PRICKLE2: variants seen among roughly 807,000 people sequenced by gnomAD.
The protein encoded by PRICKLE2 is prickle-like protein 2.
In PRICKLE2, 21 loss-of-function variants were observed where a neutral mutation model predicts 81.4. That is an observed-to-expected ratio of 0.26 (90% CI 0.18 to 0.37). PRICKLE2 has a LOEUF of 0.37. PRICKLE2 is among the 10% of genes least tolerant of loss of function. The probability of loss-of-function intolerance (pLI) is 1.00; values close to 1 mark genes in which losing one functional copy is unlikely to be tolerated. For missense variants in PRICKLE2, 940 were observed against 1,109.0 expected, an observed-to-expected ratio of 0.85 and a Z score of 2.16; for synonymous variants, 456 against 421.5, an observed-to-expected ratio of 1.08 and a Z score of -1.00.
At chr3:64,249,549 G>C (rs1575713400) in intron 2 of PRICKLE2, among the ~76,000 whole-genome samples, 1 of 152,100 alleles carries the variant, frequency 6.6e-6, no homozygotes, top group African/African-American at 2.4e-5. Flanking sequence ...TGCACCAATG[G>C]GTGAACCACA....
chr3:64,158,303 GAAGTA>G (rs2077672143), intron 4 of PRICKLE2, among the ~76,000 whole-genome samples: 1 of 152,190 alleles, frequency 6.6e-6, no homozygotes, highest in Non-Finnish European at 1.5e-5. Flanking sequence ...CTTAGAAAAT[GAAGTA>G]AAGACCTCAC....
At chr3:64,200,575 C>T (rs1575658329) in intron 1 of PRICKLE2, 1 of 152,044 alleles carries the variant, frequency 6.6e-6, no homozygotes, top group South Asian at 2.1e-4. Context: ...CTGTCTTAGC[C>T]TCCCAAGTAG....
intron 2 of PRICKLE2, among the ~76,000 whole-genome samples, chr3:64,236,704 AG>A (rs1379822099): frequency 7.2e-5 from 11 of 152,320 alleles, no homozygotes; most frequent in African/African-American, 2.6e-4. Context: ...TAGAATTAAG[AG>A]TCTGTGTTTG....
chr3:64,260,431 C>G (rs1278813883), intron 2 of PRICKLE2, among the ~76,000 whole-genome samples: 3 of 152,252 alleles, frequency 2.0e-5, no homozygotes, highest in African/African-American at 7.2e-5. Context: ...TGTACAACAA[C>G]AGTTCTTGCC....
Position 64,096,670 on chromosome 3 carries a change from T to C in PRICKLE2, c.*2381A>G, listed in dbSNP as rs1371338412. On this transcript the variant is annotated 3_prime_UTR_variant, in exon 8 of 8. Coordinates refer to ENST00000638394, the MANE Select transcript of PRICKLE2 (RefSeq NM_198859.4). ...CTGGATGCTCTCTGGGCATCTAGAC[T>C]TATGCCTCCAGACCCCTCCGGGCAC... 1 of 152,420 alleles carries C rather than the reference T, an allele frequency of 6.6e-6. No individual in the cohort carries two copies. Among genetic ancestry groups the C allele is most frequent in the Non-Finnish European group, 1.5e-5 (1 of 68,038 alleles). 9.4% of individuals were successfully genotyped at this position (152,420 alleles called of 1,614,324 possible). A position where few individuals can be genotyped will look rare whatever the true frequency, so the allele number is the denominator to read the frequency against.
intron 5 of PRICKLE2, among the ~76,000 whole-genome samples, chr3:64,155,647 T>C (rs76157098): frequency 0.013 from 1,928 of 152,276 alleles, 21 homozygotes; most frequent in Non-Finnish European, 0.02. Flanking sequence ...AATTGATACA[T>C]GGCTAGACAA....
rs2077706609 is a variant in PRICKLE2 at position 64,160,048 on chromosome 3, T to C, written c.288A>G (p.Glu96=). Residue 96 remains glutamate (E), a synonymous_variant, in exon 4 of 8, where the codon GAA becomes GAG. Transcript: ENST00000638394. Reference sequence around the variant, plus strand: ...TGAAAAGCTTCAGCTCCCTCTTCTCTTCCTCATCCAGGGAGTTGCAATATC... The same window carrying C: ...TGAAAAGCTTCAGCTCCCTCTTCTCCTCCTCATCCAGGGAGTTGCAATATC... ...EVRYCNSLDE[E]EKRELKLFSS... The C allele has an allele frequency of 6.2e-6, 10 of 1,614,144 alleles. No homozygotes were observed. The highest frequency in any genetic ancestry group is 8.5e-6 in the Non-Finnish European group (10 of 1,180,014).
intron 2 of PRICKLE2, among the ~76,000 whole-genome samples, chr3:64,253,725 T>G (rs1006443833): frequency 7.2e-5 from 11 of 152,216 alleles, no homozygotes; most frequent in South Asian, 4.1e-4. Context: ...ATTCTTAAAC[T>G]AAGAAGAAGG....
chr3:64,136,259 A>G (rs551309694), intron 7 of PRICKLE2, among the ~76,000 whole-genome samples: 81 of 152,040 alleles, frequency 5.3e-4, no homozygotes, highest in South Asian at 1.0e-3. Flanking sequence ...TTCTAACTAC[A>G]GGCGAGCTCA....
At chr3:64,242,183 C>T (rs964711112) in intron 2 of PRICKLE2, among the ~76,000 whole-genome samples, 7 of 152,170 alleles carry the variant, frequency 4.6e-5, no homozygotes, top group African/African-American at 1.7e-4. Flanking sequence ...TGTCCCCACA[C>T]TACCGCAAAT....
intron 2 of PRICKLE2, among the ~76,000 whole-genome samples, chr3:64,198,548 T>A (rs1575655256): frequency 1.3e-5 from 2 of 152,292 alleles, no homozygotes; most frequent in Admixed American, 1.3e-4. Flanking sequence ...TTCTAGACAA[T>A]CCTGGTAACA....
chr3:64,267,022 G>C (rs76507629), intron 2 of PRICKLE2, among the ~76,000 whole-genome samples: 6,094 of 151,842 alleles, frequency 0.04, 365 homozygotes, highest in African/African-American at 0.14. Context: ...ACAGATGGGT[G>C]GGGGGAGCTG....
intron 7 of PRICKLE2, among the ~76,000 whole-genome samples, chr3:64,132,574 G>T (rs902850462): frequency 4.6e-5 from 7 of 152,234 alleles, no homozygotes; most frequent in African/African-American, 1.4e-4. Context: ...CTAGCAGAGT[G>T]CCTGGCACAT....
At chr3:64,188,806 T>C (rs190997402) in intron 2 of PRICKLE2, among the ~76,000 whole-genome samples, 1 of 152,374 alleles carries the variant, frequency 6.6e-6, no homozygotes, top group East Asian at 1.9e-4. Context: ...CATTACAACA[T>C]CAGAGTTGGG....
At chr3:64,131,682 C>T (rs550560041) in intron 7 of PRICKLE2, among the ~76,000 whole-genome samples, 2 of 152,280 alleles carry the variant, frequency 1.3e-5, no homozygotes, top group African/African-American at 4.8e-5. Flanking sequence ...GAAAAATAAG[C>T]TATAGCAATA....
intron 7 of PRICKLE2, chr3:64,103,062 T>G (rs1575536871): frequency 6.6e-6 from 1 of 152,348 alleles, no homozygotes; most frequent in African/African-American, 2.4e-5. Flanking sequence ...CAGGTGTTGT[T>G]TGTTCTATTT....
chr3:64,193,115 G>T (rs769246843), intron 2 of PRICKLE2, among the ~76,000 whole-genome samples: 1 of 152,126 alleles, frequency 6.6e-6, no homozygotes, highest in Non-Finnish European at 1.5e-5. Flanking sequence ...CAGAAATTAC[G>T]CTTATGGAAA....
intron 7 of PRICKLE2, among the ~76,000 whole-genome samples, chr3:64,109,552 GAAGGGA>G (rs747578267): frequency 9.9e-5 from 15 of 152,106 alleles, no homozygotes; most frequent in African/African-American, 3.6e-4. Flanking sequence ...CTGCACTGGG[GAAGGGA>G]AAGGGAAAGG....
intron 2 of PRICKLE2, among the ~76,000 whole-genome samples, chr3:64,241,824 A>G (rs1164802993): frequency 2.0e-5 from 3 of 152,194 alleles, no homozygotes; most frequent in Non-Finnish European, 2.9e-5. Flanking sequence ...GGCAGCCCCA[A>G]TCATGCCTTC....
Sources: gnomAD v4.1 joint callset for allele counts (sites outside exome capture counted in the v4.1 genomes callset) on GRCh38, gnomAD v4.1.1 for gene constraint, MANE v1.5 for transcripts, NCBI Gene and HGNC (gene_info 2026-07-23, HGNC 2026-07-21) for gene names.